Variants in JPH1 observed in about 807,000 individuals in gnomAD.
JPH1 encodes junctophilin-1.
Under a neutral mutation model 53.6 loss-of-function variants are expected in JPH1, and 12 were observed. The observed-to-expected ratio is 0.22, with a 90% CI of 0.14 to 0.36. The LOEUF (loss-of-function observed/expected upper bound fraction) is 0.36. JPH1 is among the 10% of genes least tolerant of loss of function. The pLI is 1.00. For synonymous variants in JPH1, 375 were observed against 363.8 expected (o/e 1.03, Z -0.35); for missense variants, 808 against 905.5 (o/e 0.89, Z 1.38).
In JPH1 at chr8:74,280,430, G is replaced by T. The variant is rs1000569504; in HGVS notation, c.1140-20927C>A. On this transcript the variant is annotated intron_variant, in intron 2 of 5. Transcript: ENST00000342232. ...TTTTAAATTTGACTTCCAAGAACTG[G>T]CCTACTCTTCAGCAAAGCAGACAGA... Among the ~76,000 whole-genome samples, 12 of 152,254 alleles carry T rather than the reference G, an allele frequency of 7.9e-5. No individual in the cohort carries two copies. The South Asian group carries it at 1.0e-3, about 13-fold the overall frequency.
chr8:74,291,561 C>T (rs979595205), intron 2 of JPH1, among the ~76,000 whole-genome samples: 2 of 152,164 alleles, frequency 1.3e-5, no homozygotes, highest in Non-Finnish European at 1.5e-5. Flanking sequence ...TTGTGGAAGT[C>T]GGTGTGGCGA....
At chr8:74,306,423 T>C (rs1807836046) in intron 2 of JPH1, among the ~76,000 whole-genome samples, 1 of 152,104 alleles carries the variant, frequency 6.6e-6, no homozygotes, top group South Asian at 2.1e-4. Context: ...CTTTCTCCCA[T>C]GGGAAATGGA....
At chr8:74,319,934 A>C (rs1808266303) in intron 1 of JPH1, among the ~76,000 whole-genome samples, 1 of 152,248 alleles carries the variant, frequency 6.6e-6, no homozygotes. Flanking sequence ...ACTTTTCCTA[A>C]TAAAAGAGGA....
intron 2 of JPH1, among the ~76,000 whole-genome samples, chr8:74,268,469 C>T (rs528310827): frequency 6.6e-6 from 1 of 152,086 alleles, no homozygotes; most frequent in Non-Finnish European, 1.5e-5. Context: ...GTATATAGAG[C>T]CAATGGGGGC....
Position 74,282,808 on chromosome 8 carries a change from C to T in JPH1, c.1140-23305G>A, listed in dbSNP as rs752030037. Among the ~76,000 whole-genome samples, 80 of 152,168 alleles carry T rather than the reference C, an allele frequency of 5.3e-4. 1 individual carries two copies. The highest frequency in any genetic ancestry group is 1.4e-3 in the Admixed American group (21 of 15,288). The stretch of plus-strand genomic sequence containing the variant: ...TTTTCGAATAGCTACAAGAGGGGAC[C>T]GGGAACGTTTCCAACATAAAGAAAT... On this transcript the variant is annotated intron_variant, in intron 2 of 5. Coordinates refer to ENST00000342232, the MANE Select transcript of JPH1 (RefSeq NM_020647.4).
At chr8:74,290,308 G>A (rs1207180396) in intron 2 of JPH1, among the ~76,000 whole-genome samples, 1 of 152,076 alleles carries the variant, frequency 6.6e-6, no homozygotes, top group Non-Finnish European at 1.5e-5. Flanking sequence ...AAAAATCAAT[G>A]GCAAAAATCA....
At chr8:74,259,978 A>C (rs1218451347) in intron 2 of JPH1, among the ~76,000 whole-genome samples, 1 of 152,236 alleles carries the variant, frequency 6.6e-6, no homozygotes, top group Non-Finnish European at 1.5e-5. Flanking sequence ...AAAATTAGTG[A>C]AATGGGGATT....
intron 3 of JPH1, 109 bp downstream of exon 3, chr8:74,259,276 G>C: frequency 1.2e-6 from 1 of 845,800 alleles, no homozygotes. Flanking sequence ...TTGTATAATA[G>C]TACTGCTGGG....
chr8:74,276,594 T>A (rs1806855970), intron 2 of JPH1, among the ~76,000 whole-genome samples: 2 of 152,222 alleles, frequency 1.3e-5, no homozygotes, highest in Admixed American at 1.3e-4. Flanking sequence ...ATATGCCAGG[T>A]TTAACTAGCA....
chr8:74,248,989 T>G (rs1028922376), intron 3 of JPH1, among the ~76,000 whole-genome samples: 11 of 152,164 alleles, frequency 7.2e-5, no homozygotes, highest in Non-Finnish European at 1.5e-4. Flanking sequence ...CCCTGGAGAC[T>G]CATATTGGGA....
chr8:74,311,003 G>A (rs1390983978), intron 2 of JPH1, among the ~76,000 whole-genome samples: 1 of 152,132 alleles, frequency 6.6e-6, no homozygotes, highest in African/African-American at 2.4e-5. Context: ...TCTGAAATTG[G>A]GGGCCTTCAG....
intron 1 of JPH1, among the ~76,000 whole-genome samples, chr8:74,318,184 A>G (rs1808215777): frequency 6.6e-6 from 1 of 152,218 alleles, no homozygotes; most frequent in African/African-American, 2.4e-5. Context: ...AGTTCTAATT[A>G]GTTCCTCTTG....
chr8:74,278,232 C>T (rs2131415708), intron 2 of JPH1, among the ~76,000 whole-genome samples: 1 of 152,130 alleles, frequency 6.6e-6, no homozygotes, highest in East Asian at 1.9e-4. Flanking sequence ...AGAGGAGTTC[C>T]CCTGCACAAG....
Position 74,244,158 on chromosome 8 carries a change from G to A in JPH1, c.1905+371C>T, listed in dbSNP as rs572654008. Among the ~76,000 whole-genome samples, 24 of 152,304 alleles carry A rather than the reference G, an allele frequency of 1.6e-4. No individual in the cohort carries two copies. In the South Asian group the frequency reaches 3.9e-3, roughly 25 times the overall value. ...GCCCTTTTCCTAGAGCTCTGAGAGC[G>A]GCTGGCCCTTGGCAGGGGTCATGAT... is the stretch of plus-strand genomic sequence containing the variant. On this transcript the variant is annotated intron_variant, in intron 4 of 5. Coordinates refer to ENST00000342232, the MANE Select transcript of JPH1 (RefSeq NM_020647.4).
At chr8:74,293,048 C>T (rs1807385383) in intron 2 of JPH1, among the ~76,000 whole-genome samples, 8 of 152,198 alleles carry the variant, frequency 5.3e-5, no homozygotes, top group Admixed American at 4.6e-4. Flanking sequence ...ATACAAACCA[C>T]AGGCTGGGAT....
At chr8:74,263,794 A>G (rs1202026624) in intron 2 of JPH1, among the ~76,000 whole-genome samples, 1 of 150,558 alleles carries the variant, frequency 6.6e-6, no homozygotes, top group Non-Finnish European at 1.5e-5. Flanking sequence ...TTATGGCACC[A>G]TAGGTAAGAA....
chr8:74,272,572 C>T (rs1322437824), intron 2 of JPH1, among the ~76,000 whole-genome samples: 4 of 148,456 alleles, frequency 2.7e-5, no homozygotes, highest in Non-Finnish European at 5.9e-5. Context: ...CTGATTTGAT[C>T]AGAGATGCCT....
At chr8:74,258,966 C>T (rs549468873) in intron 3 of JPH1, among the ~76,000 whole-genome samples, 137 of 152,242 alleles carry the variant, frequency 9.0e-4, no homozygotes, top group African/African-American at 3.2e-3. Flanking sequence ...TTGTGGGCAC[C>T]GACACGATGC....
At position 74,245,182 on chromosome 8, in the gene JPH1, A is replaced by C; in HGVS notation, c.1259-7T>G. 7.9e-7 allele frequency: 1 copy of C among 1,272,940 alleles called. No individual in the cohort carries two copies. Among genetic ancestry groups the C allele is most frequent in the Middle Eastern group, 2.0e-4 (1 of 4,898 alleles). The allele number at this position is 1,272,940 out of a possible 1,614,324, so 78.9% of individuals were successfully genotyped here. On this transcript the variant is annotated splice_polypyrimidine_tract_variant and splice_region_variant and intron_variant, in intron 3 of 5. Transcript: ENST00000342232. ...TGTTTGACGTAATCAGGGCCTGGCCAAAAAAAAAAGAAAAAAGAAAAAAAG... is the reference window on the plus strand; with the variant it reads ...TGTTTGACGTAATCAGGGCCTGGCCCAAAAAAAAAGAAAAAAGAAAAAAAG...
Sources: allele counts gnomAD v4.1 joint callset (sites outside exome capture counted in the v4.1 genomes callset), GRCh38; gene constraint gnomAD v4.1.1; transcripts MANE v1.5; gene names NCBI Gene and HGNC (gene_info 2026-07-23, HGNC 2026-07-21).